ABCG5: variants seen among roughly 807,000 people sequenced by gnomAD.
ABCG5 encodes the protein ATP binding cassette subfamily G member 5.
Under a neutral mutation model 64.5 loss-of-function variants are expected in ABCG5, and 64 were observed. That is an observed-to-expected ratio of 0.99 (90% CI 0.81 to 1.22). The LOEUF (loss-of-function observed/expected upper bound fraction) is 1.22, where lower values mean the gene tolerates loss of function less well. Among genes scored for constraint, ABCG5 ranks in the 50% most tolerant of loss-of-function variants. The pLI is 0.00. For synonymous variants in ABCG5, 385 were observed against 326.3 expected, an observed-to-expected ratio of 1.18 and a Z score of -1.94; for missense variants, 908 against 829.5, an observed-to-expected ratio of 1.09 and a Z score of -1.16.
chr2:43,832,031 C>G lies in ABCG5; in HGVS notation c.318G>C (p.Ala106=). ...LDAMSGRLGR[A]GTFLGEVYVN... Reference sequence around the variant, plus strand: ...CATACACCTCCCCCAGGAAGGTCCCCGCGCGCCCCAGCCTCCCGGACATGG... The same window carrying G: ...CATACACCTCCCCCAGGAAGGTCCCGGCGCGCCCCAGCCTCCCGGACATGG... The change falls in exon 3 of 13, where the codon GCG becomes GCC. Residue 106 remains alanine, a synonymous_variant. Coordinates refer to ENST00000405322, the MANE Select transcript of ABCG5 (RefSeq NM_022436.3). The G allele has an allele frequency of 1.9e-6, 3 of 1,574,564 alleles. No homozygotes were observed. The highest frequency in any genetic ancestry group is 2.6e-6 in the Non-Finnish European group (3 of 1,160,420).
intron 12 of ABCG5, among the ~76,000 whole-genome samples, chr2:43,814,228 A>C (rs969469289): frequency 6.6e-6 from 1 of 152,180 alleles, no homozygotes; most frequent in Admixed American, 6.5e-5. Flanking sequence ...CTCAGTGTAC[A>C]TAAGGTCTGT....
chr2:43,828,333 A>T (rs1456492977), intron 4 of ABCG5: 2 of 652,794 alleles, frequency 3.1e-6, no homozygotes, highest in South Asian at 3.8e-5. Context: ...AATAATATGA[A>T]TTTTTTAAAA....
At chr2:43,834,832 G>T (rs999869688) in intron 2 of ABCG5, among the ~76,000 whole-genome samples, 4 of 152,238 alleles carry the variant, frequency 2.6e-5, no homozygotes, top group Non-Finnish European at 4.4e-5. Flanking sequence ...ATGGCTCTGT[G>T]CAGGCTTGCT....
At position 43,838,077 on chromosome 2, in the gene ABCG5, T is replaced by C; in HGVS notation, c.144-122A>G. On this transcript the variant is annotated intron_variant, in intron 1 of 12. Transcript: ENST00000405322. This position sits in a 1 kb window ranked among gnomAD's most constrained non-coding sequence, Gnocchi z 4.2. The stretch of plus-strand genomic sequence containing the variant: ...GTAGTCTCCGGACAGGCTCCTAACG[T>C]GTTTCAGTCTCTGCGCCCTCCTCTG... The C allele has an allele frequency of 7.3e-7, 1 of 1,366,340 alleles. No homozygotes were observed. The allele number at this position is 1,366,340 out of a possible 1,614,324, so 84.6% of individuals were successfully genotyped here.
chr2:43,811,946 A>G (rs1475765769), downstream of ABCG5, among the ~76,000 whole-genome samples: 3 of 152,232 alleles, frequency 2.0e-5, no homozygotes, highest in Admixed American at 2.0e-4. Flanking sequence ...AAAATATGTA[A>G]TACAGGTGTC....
intron 12 of ABCG5, among the ~76,000 whole-genome samples, 193 bp downstream of exon 12, chr2:43,814,284 C>T (rs943705933): frequency 6.6e-6 from 1 of 152,172 alleles, no homozygotes; most frequent in Non-Finnish European, 1.5e-5. Context: ...TGACCTTTGA[C>T]AGGAGACTAA....
intron 2 of ABCG5, among the ~76,000 whole-genome samples, chr2:43,836,266 TG>T (rs1051774422): frequency 6.6e-6 from 1 of 152,126 alleles, no homozygotes; most frequent in Non-Finnish European, 1.5e-5. Context: ...ACAACACTAC[TG>T]TTGGCATCTG....
chr2:43,838,051 A>G lies in ABCG5; in HGVS notation c.144-96T>C. ...ATTGATCCTACCTGTGCCCCACCCCAGTAGTCTCCGGACAGGCTCCTAACG... is the reference window on the plus strand; with the variant it reads ...ATTGATCCTACCTGTGCCCCACCCCGGTAGTCTCCGGACAGGCTCCTAACG... On this transcript the variant is annotated intron_variant, in intron 1 of 12. Coordinates refer to ENST00000405322, the MANE Select transcript of ABCG5 (RefSeq NM_022436.3). This position sits in a 1 kb window ranked among gnomAD's most constrained non-coding sequence, Gnocchi z 4.2. 1.9e-6 allele frequency: 3 copies of G among 1,550,610 alleles called. No individual in the cohort carries two copies. Among genetic ancestry groups the G allele is most frequent in the Non-Finnish European group, 2.7e-6 (3 of 1,129,998 alleles).
chr2:43,830,301 C>T (rs997005233), intron 4 of ABCG5, among the ~76,000 whole-genome samples: 4 of 152,218 alleles, frequency 2.6e-5, no homozygotes, highest in East Asian at 1.9e-4. Flanking sequence ...TGTGCTTTCA[C>T]GTAATCTGAT....
Position 43,820,040 on chromosome 2 carries a change from G to T in ABCG5, c.1524C>A (p.Ala508=). 1 of 1,614,122 alleles carries T rather than the reference G, an allele frequency of 6.2e-7. No homozygotes were observed. The highest frequency in any genetic ancestry group is 1.3e-5 in the African/African-American group (1 of 74,996). ...TTAGAAATTCACCAATTAAGTGGGG[G>T]GCCAAGAGAGCAGCAGAAAAATATC... is the stretch of plus-strand genomic sequence containing the variant. ...RFGYFSAALL[A]PHLIGEFLTL... is the part of the protein sequence containing the mutation. The change falls in exon 11 of 13, where the codon GCC becomes GCA. Residue 508 remains alanine (A), a synonymous_variant. Transcript: ENST00000405322.
At chr2:43,816,418 C>G (rs1356571241) in intron 11 of ABCG5, among the ~76,000 whole-genome samples, 4 of 149,738 alleles carry the variant, frequency 2.7e-5, no homozygotes, top group African/African-American at 9.8e-5. Flanking sequence ...AACCAACAGA[C>G]TTTGTGCAGG....
Position 43,838,506 on chromosome 2 carries a change from G to T in ABCG5, c.143+31C>A. The T allele has an allele frequency of 6.3e-7, 1 of 1,577,590 alleles. No individual in the cohort carries two copies. Among genetic ancestry groups the T allele is most frequent in the African/African-American group, 1.3e-5 (1 of 74,232 alleles). ...TGAGCGCCGGGCCCCGCACTCCTGGGGGAGCAGCAGCAGCAAGGGCTCTGC... is the reference window on the plus strand; with the variant it reads ...TGAGCGCCGGGCCCCGCACTCCTGGTGGAGCAGCAGCAGCAAGGGCTCTGC... On this transcript the variant is annotated intron_variant, in intron 1 of 12. Transcript: ENST00000405322. The surrounding 1 kb of genome is among the most constrained non-coding windows in gnomAD (Gnocchi z 4.2).
chr2:43,824,108 T>G lies in ABCG5; in HGVS notation c.1129A>C (p.Arg377=). The part of the protein sequence containing the change: ...KLGVLLRRVT[R]NLVRNKLAVI... ...GCCAGCTTATTTCTCACCAAGTTTC[T>G]TGTCACTCTCCTGAAAACAAACAAC... Residue 377 remains arginine (R), a synonymous_variant, in exon 9 of 13, where the codon AGA becomes CGA. Transcript: ENST00000405322. 1.2e-6 allele frequency: 2 copies of G among 1,614,244 alleles called. No individual in the cohort carries two copies. Among genetic ancestry groups the G allele is most frequent in the Admixed American group, 3.3e-5 (2 of 60,028 alleles).
intron 4 of ABCG5, among the ~76,000 whole-genome samples, chr2:43,830,631 G>A (rs1277163162): frequency 6.6e-6 from 1 of 152,178 alleles, no homozygotes; most frequent in Non-Finnish European, 1.5e-5. Context: ...ACACGCTGTG[G>A]GCTGGATTTG....
chr2:43,814,865 T>C (rs1440742038), intron 11 of ABCG5, among the ~76,000 whole-genome samples: 3 of 152,232 alleles, frequency 2.0e-5, no homozygotes, highest in Admixed American at 6.5e-5. Flanking sequence ...TCATGCTCTT[T>C]CCTAACTTAC....
intron 2 of ABCG5, among the ~76,000 whole-genome samples, chr2:43,835,383 T>A (rs887199650): frequency 1.3e-5 from 2 of 152,180 alleles, no homozygotes; most frequent in Non-Finnish European, 2.9e-5. Flanking sequence ...TTATAAGGAC[T>A]GCAACAGGTG....
chr2:43,822,483 C>A (rs528089304), intron 10 of ABCG5: 20 of 906,686 alleles, frequency 2.2e-5, no homozygotes, highest in African/African-American at 5.5e-5. Flanking sequence ...CCCAGGCCCC[C>A]CCCCATGCAC....
intron 10 of ABCG5, among the ~76,000 whole-genome samples, chr2:43,821,793 C>T (rs930393697): frequency 6.6e-6 from 1 of 152,086 alleles, no homozygotes; most frequent in Non-Finnish European, 1.5e-5. Context: ...ATCTCTCTCC[C>T]CAGTGCTCAG....
At position 43,838,458 on chromosome 2, in the gene ABCG5, A is replaced by G; in HGVS notation, c.143+79T>C. 7.1e-7 allele frequency: 1 copy of G among 1,405,156 alleles called. No homozygotes were observed. Among genetic ancestry groups the G allele is most frequent in the South Asian group, 1.2e-5 (1 of 80,114 alleles). The allele number at this position is 1,405,156 out of a possible 1,614,324, so 87.0% of individuals were successfully genotyped here. On this transcript the variant is annotated intron_variant, in intron 1 of 12. Transcript: ENST00000405322. This position sits in a 1 kb window ranked among gnomAD's most constrained non-coding sequence, Gnocchi z 4.2. Reference sequence around the variant, plus strand: ...GAAGTGCCCAGACTGGCACTTAAAGAGTGAAGAAAGGCAGCAGAGGGGTGA... The same window carrying G: ...GAAGTGCCCAGACTGGCACTTAAAGGGTGAAGAAAGGCAGCAGAGGGGTGA...
Sources: allele counts gnomAD v4.1 joint callset (sites outside exome capture counted in the v4.1 genomes callset), GRCh38; gene constraint gnomAD v4.1.1; non-coding constraint Gnocchi (gnomAD v3.1); transcripts MANE v1.5; gene names NCBI Gene and HGNC (gene_info 2026-07-23, HGNC 2026-07-21).